CEBPZ: variants seen among roughly 807,000 people sequenced by gnomAD.
CEBPZ encodes CCAAT enhancer binding protein zeta.
CEBPZ carries 78 observed loss-of-function variants against 104.5 expected under a neutral mutation model. That is an observed-to-expected ratio of 0.75 (90% CI 0.62 to 0.90). The LOEUF is 0.90. CEBPZ is among the 40% of genes least tolerant of loss of function. CEBPZ has a pLI of 0.00. For synonymous variants in CEBPZ, 470 were observed against 427.0 expected (o/e 1.10, Z -1.24); for missense variants, 1,439 against 1,233.5 (o/e 1.17, Z -2.50).
chr2:37,227,869 T>G lies in CEBPZ; in HGVS notation c.1324A>C (p.Ile442Leu). The G allele has an allele frequency of 6.2e-7, 1 of 1,614,132 alleles. No homozygotes were observed. Among genetic ancestry groups the G allele is most frequent in the South Asian group, 1.1e-5 (1 of 91,082 alleles). Residue 442 changes from isoleucine (I) to leucine (L), a missense_variant, in exon 2 of 16, where the codon ATT (isoleucine) becomes CTT (leucine). By Grantham distance (5) the Ile-to-Leu change is conservative. Transcript: ENST00000234170. Reference sequence around the variant, plus strand: ...AGAGCCATTTGATTTAAAAAGCAAATTGCATAATATTGAGCTTTGGAGCTG... The same window carrying G: ...AGAGCCATTTGATTTAAAAAGCAAAGTGCATAATATTGAGCTTTGGAGCTG... ...NISSKAQYYA[I>L]CFLNQMALSH... is the part of the protein sequence containing the mutation.
rs267599369 is a variant in CEBPZ, at chr2:37,222,427, G to A, written c.2018C>T (p.Thr673Ile). Residue 673 changes from threonine to isoleucine, a missense_variant, in exon 4 of 16, where the codon ACC (threonine) becomes ATC (isoleucine). Thr to Ile is a moderately conservative substitution (Grantham distance 89). Transcript: ENST00000234170. ...EETVPETDVE[T>I]KKPEVASWVH... Reference sequence around the variant, plus strand: ...CCAGGAAGCAACCTCTGGTTTTTTGGTTTCTACATCAGTTTCAGGAACTGT... The same window carrying A: ...CCAGGAAGCAACCTCTGGTTTTTTGATTTCTACATCAGTTTCAGGAACTGT... 6.3e-7 allele frequency: 1 copy of A among 1,597,618 alleles called. No individual in the cohort carries two copies.
intron 2 of CEBPZ, among the ~76,000 whole-genome samples, chr2:37,225,427 T>G (rs1161594124): frequency 6.6e-6 from 1 of 150,880 alleles, no homozygotes; most frequent in Non-Finnish European, 1.5e-5. Flanking sequence ...TGCCTTGAGA[T>G]TCTGTTAATC....
chr2:37,229,121 A>G, intron 1 of CEBPZ, 85 bp from the exon 2 acceptor site: 1 of 1,212,538 alleles, frequency 8.2e-7, no homozygotes, highest in Non-Finnish European at 1.1e-6. Context: ...ATAATTTTAA[A>G]AATAATTTCG....
At chr2:37,209,413 C>G (rs1350555284) in intron 13 of CEBPZ, 1 of 152,110 alleles carries the variant, frequency 6.6e-6, no homozygotes, top group Non-Finnish European at 1.5e-5. Flanking sequence ...GCTATTGTTA[C>G]CAAAATAGCA....
At position 37,231,480 on chromosome 2, in the gene CEBPZ, C is replaced by T. The variant is rs1316418298; in HGVS notation, c.88G>A (p.Glu30Lys). 4 of 1,614,264 alleles carry T rather than the reference C, an allele frequency of 2.5e-6. No homozygotes were observed. Among genetic ancestry groups the T allele is most frequent in the East Asian group, 2.2e-5 (1 of 44,886 alleles). Residue 30 changes from glutamate (E) to lysine (K), a missense_variant, in exon 1 of 16, where the codon GAG becomes AAG. Physicochemically the swap from Glu to Lys is moderately conservative, Grantham distance 56. Coordinates refer to ENST00000234170, the MANE Select transcript of CEBPZ (RefSeq NM_005760.3). ...TTCTCGGCTTCACTAGTATTATCCTCATCCTCCTCGTCCGGATCTTCTACT... is the reference window on the plus strand; with the variant it reads ...TTCTCGGCTTCACTAGTATTATCCTTATCCTCCTCGTCCGGATCTTCTACT... ...EAVEDPDEEDEDNTSEAENGF... is the reference protein window; with the variant it reads ...EAVEDPDEEDKDNTSEAENGF...
intron 5 of CEBPZ, among the ~76,000 whole-genome samples, chr2:37,217,288 C>T (rs751475251): frequency 2.2e-4 from 34 of 152,024 alleles, no homozygotes; most frequent in Non-Finnish European, 4.1e-4. Flanking sequence ...GTACTCCCAG[C>T]TACTCAGGAG....
rs147359813 is a variant in CEBPZ, at chr2:37,212,347, A to G, written c.2591T>C (p.Met864Thr). The change falls in exon 11 of 16, where the codon ATG (methionine) becomes ACG (threonine). Residue 864 changes from methionine to threonine, a missense_variant. Physicochemically the swap from Met to Thr is moderately conservative, Grantham distance 81. Transcript: ENST00000234170. ...AGAAGTATGTTACCCAGCAAAATCC[A>G]TATCATCCTTTCCAGAGCTGAAACA... ...DNCFSSGKDD[M>T]DFAGNVKKRT... The G allele has an allele frequency of 3.0e-5, 48 of 1,613,442 alleles. No individual in the cohort carries two copies. The highest frequency in any genetic ancestry group is 1.3e-4 in the African/African-American group (10 of 74,918).
Position 37,202,817 on chromosome 2 carries a change from C to T in CEBPZ, c.2992G>A (p.Gly998Ser). ...ENMGSKFDNI[G>S]MNAMANKDNA... ...TCTTTGTTAGCCATGGCATTCATGC[C>T]AATGTTATCAAACTTGGATCCCATA... is the stretch of plus-strand genomic sequence containing the variant. Residue 998 changes from glycine (G) to serine (S), a missense_variant, in exon 15 of 16, where the codon GGC becomes AGC. Coordinates refer to ENST00000234170, the MANE Select transcript of CEBPZ (RefSeq NM_005760.3). 1 of 1,597,940 alleles carries T rather than the reference C, an allele frequency of 6.3e-7. No individual in the cohort carries two copies. Among genetic ancestry groups the T allele is most frequent in the Middle Eastern group, 1.8e-4 (1 of 5,612 alleles).
chr2:37,227,428 AG>A (rs1308445539), intron 2 of CEBPZ, 115 bp downstream of exon 2: 1 of 914,376 alleles, frequency 1.1e-6, no homozygotes, highest in Non-Finnish European at 1.6e-6. Context: ...CAAGCTGCTG[AG>A]GGGGCCTAAA....
chr2:37,219,808 C>T (rs1166273330), intron 5 of CEBPZ, among the ~76,000 whole-genome samples: 1 of 152,090 alleles, frequency 6.6e-6, no homozygotes, highest in African/African-American at 2.4e-5. Flanking sequence ...CAAAATTTAT[C>T]CATTTTCTCA....
At position 37,228,629 on chromosome 2, in the gene CEBPZ, G is replaced by A; in HGVS notation, c.564C>T (p.Tyr188=). The A allele has an allele frequency of 6.2e-7, 1 of 1,614,158 alleles. No individual in the cohort carries two copies. Among genetic ancestry groups the A allele is most frequent in the Non-Finnish European group, 8.5e-7 (1 of 1,180,032 alleles). Residue 188 remains tyrosine (Y), a synonymous_variant, in exon 2 of 16, where the codon TAC becomes TAT. Coordinates refer to ENST00000234170, the MANE Select transcript of CEBPZ (RefSeq NM_005760.3). ...GGGGTTTCAAAGAATATTCATTGCT[G>A]TACTCCAGATCATACCATTTGCCTC... The part of the protein sequence containing the change: ...RPGGKWYDLE[Y]SNEYSLKPQP...
In CEBPZ at chr2:37,220,442, G is replaced by C. The variant is rs761105425; in HGVS notation, c.2097C>G (p.Phe699Leu). ...GGKQLNKYDP[F>L]SRNPLFCGAE... ...CTCCACAGAACAGAGGGTTTCTACT[G>C]AATGGATCGTATTTATTTAACTGTT... is the stretch of plus-strand genomic sequence containing the variant. Residue 699 changes from phenylalanine (F) to leucine (L), a missense_variant, in exon 5 of 16, where the codon TTC becomes TTG. By Grantham distance (22) the Phe-to-Leu change is conservative. Transcript: ENST00000234170. The C allele has an allele frequency of 1.9e-6, 3 of 1,599,760 alleles. No homozygotes were observed. The highest frequency in any genetic ancestry group is 2.7e-5 in the African/African-American group (2 of 74,424).
At chr2:37,216,871 G>A (rs902740134) in intron 6 of CEBPZ, 113 bp downstream of exon 6, 33 of 879,838 alleles carry the variant, frequency 3.8e-5, no homozygotes, top group Non-Finnish European at 3.7e-5. Flanking sequence ...TATACGAGCA[G>A]TAAAATGTAC....
chr2:37,212,068 G>C, intron 11 of CEBPZ, 29 bp from the exon 12 acceptor site: 1 of 1,547,486 alleles, frequency 6.5e-7, no homozygotes. Context: ...TGTAATACAA[G>C]AGGAGGCAGT....
chr2:37,214,952 A>G lies in CEBPZ; in HGVS notation c.2381T>C (p.Val794Ala). The stretch of plus-strand genomic sequence containing the variant: ...TTTTGCAAGGAACTCCTTACTGTTC[A>G]CTACAAAAATAAATTTAAACATTTT... ...HFIKDIRHLP[V>A]NSKEFLAKEE... The change falls in exon 9 of 16, where the codon GTG becomes GCG. Residue 794 changes from valine to alanine, a missense_variant and splice_region_variant. Val to Ala is a moderately conservative substitution (Grantham distance 64). Transcript: ENST00000234170. 1 of 1,601,236 alleles carries G rather than the reference A, an allele frequency of 6.2e-7. No individual in the cohort carries two copies. The highest frequency in any genetic ancestry group is 8.6e-7 in the Non-Finnish European group (1 of 1,169,012).
At position 37,227,578 on chromosome 2, in the gene CEBPZ, T is replaced by G. The variant is rs761073402; in HGVS notation, c.1615A>C (p.Thr539Pro). 3 of 1,613,510 alleles carry G rather than the reference T, an allele frequency of 1.9e-6. No individual in the cohort carries two copies. Among genetic ancestry groups the G allele is most frequent in the Non-Finnish European group, 2.5e-6 (3 of 1,179,722 alleles). The part of the protein sequence containing the change: ...LLFQVMNSQQ[T>P]ISDRYYTALY... ...GCTGTGTAATATCGATCCGATATTG[T>G]CTGCTGAGAATTCATTACTTGGAAA... Residue 539 changes from threonine to proline, a missense_variant, in exon 2 of 16, where the codon ACA becomes CCA. Physicochemically the swap from Thr to Pro is conservative, Grantham distance 38. Transcript: ENST00000234170.
rs1664939175 is a variant in CEBPZ at position 37,228,229 on chromosome 2, T to C, written c.964A>G (p.Asn322Asp). The part of the protein sequence containing the change: ...FDKLEQLSSG[N>D]KDSRDRRLIL... ...AGTCTTCTATCTCTTGAGTCCTTGT[T>C]GCCACTGGACAACTGTTCCAGTTTG... The change falls in exon 2 of 16, where the codon AAC (asparagine) becomes GAC (aspartate). Residue 322 changes from asparagine to aspartate, a missense_variant. Coordinates refer to ENST00000234170, the MANE Select transcript of CEBPZ (RefSeq NM_005760.3). 1 of 1,614,236 alleles carries C rather than the reference T, an allele frequency of 6.2e-7. No individual in the cohort carries two copies. Among genetic ancestry groups the C allele is most frequent in the Non-Finnish European group, 8.5e-7 (1 of 1,180,024 alleles).
intron 9 of CEBPZ, among the ~76,000 whole-genome samples, chr2:37,214,508 A>G (rs1182891199): frequency 4.6e-5 from 7 of 152,154 alleles, no homozygotes; most frequent in African/African-American, 1.7e-4. Context: ...TTAAGCCTAT[A>G]AAGAAAATTA....
rs1306585596 is a variant in CEBPZ, at chr2:37,223,435, A to G, written c.1650-34T>C. 10 of 1,567,898 alleles carry G rather than the reference A, an allele frequency of 6.4e-6. No individual in the cohort carries two copies. In the Admixed American group the frequency reaches 1.5e-4, roughly 24 times the overall value. ...CAAAACCAAGGTCAAATATTTATGT[A>G]TAAAACCATCTCCACAACCAATGGT... On this transcript the variant is annotated intron_variant, in intron 2 of 15. Coordinates refer to ENST00000234170, the MANE Select transcript of CEBPZ (RefSeq NM_005760.3).
Sources: gnomAD v4.1 joint callset for allele counts (sites outside exome capture counted in the v4.1 genomes callset) on GRCh38, gnomAD v4.1.1 for gene constraint, MANE v1.5 for transcripts, NCBI Gene and HGNC (gene_info 2026-07-23, HGNC 2026-07-21) for gene names.